EPS15L1: variants seen among roughly 807,000 people sequenced by gnomAD.
The protein encoded by EPS15L1 is epidermal growth factor receptor pathway substrate 15 like 1.
Under a neutral mutation model 117.1 loss-of-function variants are expected in EPS15L1, and 43 were observed. The ratio of observed to expected loss-of-function variants is 0.37; its 90% CI spans 0.29 to 0.47. The LOEUF (loss-of-function observed/expected upper bound fraction) is 0.47, where lower values mean the gene tolerates loss of function less well. EPS15L1 is among the 20% of genes least tolerant of loss of function. The pLI is 0.99. For missense variants in EPS15L1, 981 were observed against 1,164.0 expected, an observed-to-expected ratio of 0.84 and a Z score of 2.29; for synonymous variants, 459 against 470.5, an observed-to-expected ratio of 0.98 and a Z score of 0.32.
chr19:16,408,208 G>C (rs1461965586), intron 13 of EPS15L1, among the ~76,000 whole-genome samples: 2 of 152,160 alleles, frequency 1.3e-5, no homozygotes, highest in Non-Finnish European at 2.9e-5. Context: ...ACCAGCTCGA[G>C]GTTAGGAAGG....
intron 4 of EPS15L1, among the ~76,000 whole-genome samples, chr19:16,438,775 C>T (rs186429822): frequency 2.2e-4 from 34 of 152,308 alleles, no homozygotes; most frequent in Non-Finnish European, 2.2e-4. Context: ...CCTGCCTTAG[C>T]TTCCTGAGTA....
intron 13 of EPS15L1, among the ~76,000 whole-genome samples, chr19:16,410,711 G>C (rs1401791853): frequency 6.6e-6 from 1 of 152,110 alleles, no homozygotes; most frequent in African/African-American, 2.4e-5. Context: ...AGGAGTTTGA[G>C]ACCAACCTGG....
rs946186387 is a variant in EPS15L1 at position 16,424,013 on chromosome 19, A to C, written c.792+1070T>G. ...GCAGCAAGATTCTGATGCCAAATTG[A>C]CTATAAACCCAACACGGGGCAGCCT... On this transcript the variant is annotated intron_variant, in intron 9 of 23. Transcript: ENST00000455140. Among the ~76,000 whole-genome samples, 3 of 152,194 alleles carry C rather than the reference A, an allele frequency of 2.0e-5. No individual in the cohort carries two copies. The South Asian group carries it at 6.2e-4, about 31-fold the overall frequency.
intron 21 of EPS15L1, among the ~76,000 whole-genome samples, chr19:16,382,398 T>C (rs947415483): frequency 1.3e-5 from 2 of 152,176 alleles, no homozygotes; most frequent in Admixed American, 6.5e-5. Flanking sequence ...AGGGGCTCTC[T>C]GGGCTCGGCA....
intron 22 of EPS15L1, among the ~76,000 whole-genome samples, chr19:16,366,634 G>A (rs2092136667): frequency 6.6e-6 from 1 of 152,142 alleles, no homozygotes; most frequent in African/African-American, 2.4e-5. Context: ...TTTTCAGAAG[G>A]AACATCAACA....
chr19:16,465,239 C>T (rs2093293653), intron 1 of EPS15L1, among the ~76,000 whole-genome samples: 1 of 152,160 alleles, frequency 6.6e-6, no homozygotes, highest in African/African-American at 2.4e-5. Context: ...CAACCATGTC[C>T]AACACCCAAA....
At position 16,383,690 on chromosome 19, in the gene EPS15L1, G is replaced by C. The variant is rs147866871; in HGVS notation, c.2247+1439C>G. 6.6e-6 allele frequency: 1 copy of C among 152,286 alleles called. No individual in the cohort carries two copies. The highest frequency in any genetic ancestry group is 1.5e-5 in the Non-Finnish European group (1 of 68,086). The allele number at this position is 152,286 out of a possible 1,614,324, so 9.4% of individuals were successfully genotyped here. A position where few individuals can be genotyped will look rare whatever the true frequency, so the allele number is the denominator to read the frequency against. ...GGTCAGAAGTGGGATCTGCTGCGCC[G>C]CCAGGGCACGCACACACGCGTCTTT... On this transcript the variant is annotated intron_variant, in intron 21 of 23. Transcript: ENST00000455140. This position sits in a 1 kb window ranked among gnomAD's most constrained non-coding sequence, Gnocchi z 5.2.
intron 19 of EPS15L1, among the ~76,000 whole-genome samples, chr19:16,388,875 G>A (rs2092448654): frequency 6.6e-6 from 1 of 151,978 alleles, no homozygotes; most frequent in Non-Finnish European, 1.5e-5. Context: ...TAAGGACAAT[G>A]GAGGCTGGAA....
chr19:16,397,675 C>T (rs2144802541), intron 16 of EPS15L1, among the ~76,000 whole-genome samples: 1 of 151,878 alleles, frequency 6.6e-6, no homozygotes, highest in African/African-American at 2.4e-5. Flanking sequence ...AGAGCATACA[C>T]AATGCTTTGC....
intron 4 of EPS15L1, among the ~76,000 whole-genome samples, chr19:16,438,734 G>A (rs2145057574): frequency 6.6e-6 from 1 of 152,224 alleles, no homozygotes; most frequent in African/African-American, 2.4e-5. Flanking sequence ...ATCTCACTAT[G>A]TTGCCCAGGC....
intron 13 of EPS15L1, among the ~76,000 whole-genome samples, chr19:16,409,869 C>T (rs991368495): frequency 5.9e-5 from 8 of 134,834 alleles, no homozygotes; most frequent in South Asian, 5.0e-4. Context: ...ACCTGGGAGG[C>T]GGAGGTTGCA....
rs376978041 is a variant in EPS15L1, at chr19:16,428,250, C to T, written c.558+452G>A. 2.6e-3 allele frequency among the ~76,000 whole-genome samples: 385 copies of T among 150,914 alleles called. 1 individual carries two copies. The highest frequency in any genetic ancestry group is 0.012 in the South Asian group (58 of 4,772). On this transcript the variant is annotated intron_variant, in intron 8 of 23. Coordinates refer to ENST00000455140, the MANE Select transcript of EPS15L1 (RefSeq NM_001258374.3). ...AAAGAAGGCCAGGCACAGTGGCTCA[C>T]GCCTGTAATCCCAGCACTTTGGGAG...
At chr19:16,422,647 T>C (rs777241494) in intron 9 of EPS15L1, among the ~76,000 whole-genome samples, 10 of 152,146 alleles carry the variant, frequency 6.6e-5, no homozygotes, top group Non-Finnish European at 1.5e-4. Context: ...CTCAAAGTCA[T>C]TCCTCTCAGT....
chr19:16,440,914 G>T lies in EPS15L1; in HGVS notation c.166-5C>A. On this transcript the variant is annotated splice_region_variant and splice_polypyrimidine_tract_variant and intron_variant, in intron 3 of 23. Coordinates refer to ENST00000455140, the MANE Select transcript of EPS15L1 (RefSeq NM_001258374.3). The stretch of plus-strand genomic sequence containing the variant: ...TGGATCGGCCAAGTCCCATATCTGC[G>T]GAAACACAAAAATGCTCATAAGCAT... 6.2e-7 allele frequency: 1 copy of T among 1,614,022 alleles called. No homozygotes were observed. The highest frequency in any genetic ancestry group is 8.5e-7 in the Non-Finnish European group (1 of 1,179,918).
chr19:16,374,381 A>C (rs1310700393), intron 22 of EPS15L1, among the ~76,000 whole-genome samples: 2 of 152,228 alleles, frequency 1.3e-5, no homozygotes, highest in African/African-American at 4.8e-5. Flanking sequence ...CTGTGCCACG[A>C]GTAAAGGAGC....
intron 16 of EPS15L1, chr19:16,401,180 G>C (rs1338860309): frequency 1.0e-6 from 1 of 985,360 alleles, no homozygotes; most frequent in Admixed American, 6.1e-5. Context: ...GAGAGTATGG[G>C]AGGAAAGAGG....
intron 10 of EPS15L1, among the ~76,000 whole-genome samples, chr19:16,419,540 G>C (rs2092794196): frequency 6.6e-6 from 1 of 152,128 alleles, no homozygotes; most frequent in Admixed American, 6.5e-5. Flanking sequence ...TGGCATCTAT[G>C]AAAAATGTCT....
intron 1 of EPS15L1, 45 bp from the exon 2 acceptor site, chr19:16,442,264 C>T (rs2093039482): frequency 1.3e-6 from 2 of 1,570,084 alleles, no homozygotes; most frequent in African/African-American, 1.4e-5. Context: ...AACACAACCC[C>T]TTGGGGAAAA....
Position 16,370,868 on chromosome 19 carries a change from G to T in EPS15L1, c.2380+6254C>A, listed in dbSNP as rs1005211952. 1.3e-5 allele frequency among the ~76,000 whole-genome samples: 2 copies of T among 152,166 alleles called. No individual in the cohort carries two copies. The highest frequency in any genetic ancestry group is 4.8e-5 in the African/African-American group (2 of 41,422). On this transcript the variant is annotated intron_variant, in intron 22 of 23. Transcript: ENST00000455140. The surrounding 1 kb of genome is among the most constrained non-coding windows in gnomAD (Gnocchi z 5.2). ...ACAGCAGTGCTGGGGGATGGGGGGC[G>T]TGGGCAGGAAAGAGGGACTCCACCT... is the stretch of plus-strand genomic sequence containing the variant.
Sources: gnomAD v4.1 joint callset for allele counts (sites outside exome capture counted in the v4.1 genomes callset) on GRCh38, gnomAD v4.1.1 for gene constraint, Gnocchi (gnomAD v3.1) non-coding constraint, MANE v1.5 for transcripts, NCBI Gene and HGNC (gene_info 2026-07-23, HGNC 2026-07-21) for gene names.